Variants in PCDHGB1 observed in about 807,000 individuals in gnomAD.
PCDHGB1 encodes the protein protocadherin gamma subfamily B, 1, also known as protocadherin gamma-B1.
Under a neutral mutation model 56.6 loss-of-function variants are expected in PCDHGB1, and 34 were observed. That is an observed-to-expected ratio of 0.60 (90% confidence interval 0.46 to 0.80). The LOEUF is 0.80. Among genes scored for constraint, PCDHGB1 ranks in the 30% least tolerant of loss-of-function variants. The pLI is 0.00. For synonymous variants in PCDHGB1, 561 were observed against 505.9 expected, an observed-to-expected ratio of 1.11 and a Z score of -1.46; for missense variants, 1,278 against 1,204.6, an observed-to-expected ratio of 1.06 and a Z score of -0.90.
At chr5:141,469,306 A>G in intron 1 of PCDHGB1, among the ~76,000 whole-genome samples, 1 of 150,500 alleles carries the variant, frequency 6.6e-6, no homozygotes, top group South Asian at 2.1e-4. Flanking sequence ...ACTGGGCACG[A>G]TGGCTCACGC....
At chr5:141,414,670 A>G in intron 1 of PCDHGB1, 1 of 1,613,894 alleles carries the variant, frequency 6.2e-7, no homozygotes. Context: ...GGCTGAAGAC[A>G]CCATCCAGGG....
At chr5:141,376,675 C>CTTT in intron 1 of PCDHGB1, 7 of 345,068 alleles carry the variant, frequency 2.0e-5, no homozygotes, top group Admixed American at 4.8e-5. Context: ...GTGAGGGTAT[C>CTTT]GTTTTTTTTT....
intron 1 of PCDHGB1, among the ~76,000 whole-genome samples, chr5:141,494,496 T>A (rs147870810): frequency 2.9e-3 from 442 of 152,264 alleles, no homozygotes; most frequent in Non-Finnish European, 4.9e-3. Flanking sequence ...ATGCCTTCAG[T>A]CCTTGAATTT....
chr5:141,361,134 CCAAG>C lies in PCDHGB1; in HGVS notation c.2409+8466_2409+8469del, dbSNP rs750013813. 191 of 1,613,798 alleles carry C rather than the reference CCAAG, an allele frequency of 1.2e-4. 1 individual carries two copies. The Admixed American group carries it at 3.2e-3, about 27-fold the overall frequency. On this transcript the variant is annotated intron_variant, in intron 1 of 3. Transcript: ENST00000523390. ...GAGATCTAGCAGCCCACTGCAGTAT[CCAAG>C]TTGAAATTCTTGATGACAACGATTG...
intron 1 of PCDHGB1, chr5:141,418,251 C>G: frequency 6.2e-7 from 1 of 1,614,058 alleles, no homozygotes; most frequent in Non-Finnish European, 8.5e-7. Context: ...GACCACGCCC[C>G]TCAATTCCGG....
rs1186240180 is a variant in PCDHGB1, at chr5:141,432,270, A to T, written c.2410-62537A>T. On this transcript the variant is annotated intron_variant, in intron 1 of 3. Transcript: ENST00000523390. The surrounding 1 kb of genome is among the most constrained non-coding windows in gnomAD (Gnocchi z 6.0). ...ATCCAAGGGGCAAGCCTATCGTCCT[A>T]CGTGTCCATCAACTCCGACACTGGG... 1 of 1,614,024 alleles carries T rather than the reference A, an allele frequency of 6.2e-7. No homozygotes were observed. The highest frequency in any genetic ancestry group is 8.5e-7 in the Non-Finnish European group (1 of 1,180,028).
intron 1 of PCDHGB1, chr5:141,423,087 G>C (rs756067751): frequency 1.2e-6 from 2 of 1,613,936 alleles, no homozygotes; most frequent in African/African-American, 1.3e-5. Context: ...TCTTCGCGGT[G>C]GGGGAGCACA....
chr5:141,421,092 C>T, intron 1 of PCDHGB1: 1 of 663,988 alleles, frequency 1.5e-6, no homozygotes, highest in Non-Finnish European at 2.5e-6. Flanking sequence ...CAGATCCTGA[C>T]ACTGGAGACT....
At position 141,351,708 on chromosome 5, in the gene PCDHGB1, T is replaced by G; in HGVS notation, c.1448T>G (p.Val483Gly). Residue 483 changes from valine to glycine, a missense_variant, in exon 1 of 4, where the codon GTC (valine) becomes GGC (glycine). By Grantham distance (109) the Val-to-Gly change is moderately radical. Transcript: ENST00000523390. ...CCGGATTTGGGACCCAACGGCAGAGTCTCCTACTCTATTCTGGCCAGTGAC... is the reference window on the plus strand; with the variant it reads ...CCGGATTTGGGACCCAACGGCAGAGGCTCCTACTCTATTCTGGCCAGTGAC... ...SDPDLGPNGR[V>G]SYSILASDLE... The G allele has an allele frequency of 6.2e-7, 1 of 1,613,718 alleles. No homozygotes were observed. Among genetic ancestry groups the G allele is most frequent in the Non-Finnish European group, 8.5e-7 (1 of 1,179,850 alleles).
intron 1 of PCDHGB1, chr5:141,388,368 A>G (rs1420676769): frequency 1.2e-6 from 2 of 1,614,026 alleles, no homozygotes; most frequent in Admixed American, 3.3e-5. Context: ...TGATGCGGAT[A>G]TTGGTAGCAA....
At chr5:141,501,866 C>T (rs1193396289) in intron 2 of PCDHGB1, among the ~76,000 whole-genome samples, 4 of 152,108 alleles carry the variant, frequency 2.6e-5, no homozygotes, top group South Asian at 2.1e-4. Context: ...TTTCCCAGGA[C>T]GCCTCCTTAC....
At chr5:141,509,823 TTCTC>T (rs2099878456) in intron 3 of PCDHGB1, among the ~76,000 whole-genome samples, 1 of 152,170 alleles carries the variant, frequency 6.6e-6, no homozygotes, top group Non-Finnish European at 1.5e-5. Flanking sequence ...CTTCTCCATC[TTCTC>T]TCTACCTCCC....
At chr5:141,400,303 G>T (rs2094000375) in intron 1 of PCDHGB1, 1 of 1,613,908 alleles carries the variant, frequency 6.2e-7, no homozygotes, top group Non-Finnish European at 8.5e-7. Context: ...CTTCCAACCT[G>T]GTCTCTGTGT....
At chr5:141,450,055 G>A (rs1325291695) in intron 1 of PCDHGB1, among the ~76,000 whole-genome samples, 2 of 137,594 alleles carry the variant, frequency 1.5e-5, no homozygotes, top group Non-Finnish European at 3.0e-5. Flanking sequence ...CGCCCAGGCT[G>A]GAATGCAGTG....
rs779287151 is a variant in PCDHGB1, at chr5:141,384,468, G to A, written c.2409+31799G>A. 8.7e-6 allele frequency: 14 copies of A among 1,613,988 alleles called. No homozygotes were observed. The Admixed American group carries it at 2.0e-4, about 23-fold the overall frequency. On this transcript the variant is annotated intron_variant, in intron 1 of 3. Coordinates refer to ENST00000523390, the MANE Select transcript of PCDHGB1 (RefSeq NM_018922.3). ...ACGCGCTGCAATCCTTTGATTATGA[G>A]CAGTTGAGAGAACTACAACTAAGAG...
At position 141,432,001 on chromosome 5, in the gene PCDHGB1, G is replaced by T. The variant is rs755338230; in HGVS notation, c.2410-62806G>T. On this transcript the variant is annotated intron_variant, in intron 1 of 3. Coordinates refer to ENST00000523390, the MANE Select transcript of PCDHGB1 (RefSeq NM_018922.3). This position sits in a 1 kb window ranked among gnomAD's most constrained non-coding sequence, Gnocchi z 6.0. Reference sequence around the variant, plus strand: ...CAGACATAGTCTTGGATAGGGAACAGGTTCCTAGCTACAACATCACAGTGA... The same window carrying T: ...CAGACATAGTCTTGGATAGGGAACATGTTCCTAGCTACAACATCACAGTGA... 4 of 1,614,220 alleles carry T rather than the reference G, an allele frequency of 2.5e-6. No homozygotes were observed. In the East Asian group the frequency reaches 8.9e-5, roughly 36 times the overall value.
chr5:141,379,340 TC>T (rs1433489240), intron 1 of PCDHGB1: 1 of 152,232 alleles, frequency 6.6e-6, no homozygotes, highest in Non-Finnish European at 1.5e-5. Flanking sequence ...TCTTCAAAGC[TC>T]ATTTTCTTGT....
chr5:141,477,184 C>T lies in PCDHGB1; in HGVS notation c.2410-17623C>T. On this transcript the variant is annotated intron_variant, in intron 1 of 3. Coordinates refer to ENST00000523390, the MANE Select transcript of PCDHGB1 (RefSeq NM_018922.3). The surrounding 1 kb of genome is among the most constrained non-coding windows in gnomAD (Gnocchi z 4.9). ...ACGCCCCGGAGATCACAGTCACCTC[C>T]GTGTACAGCCCAGTACCCGAGGATG... The T allele has an allele frequency of 3.7e-6, 6 of 1,614,178 alleles. No individual in the cohort carries two copies. Among genetic ancestry groups the T allele is most frequent in the Non-Finnish European group, 5.1e-6 (6 of 1,180,032 alleles).
chr5:141,366,288 C>A (rs1020562585), intron 1 of PCDHGB1: 2 of 1,613,748 alleles, frequency 1.2e-6, no homozygotes, highest in Non-Finnish European at 1.7e-6. Context: ...GGCCAGCCCC[C>A]TCTGTCAGCC....
Sources: gnomAD v4.1 joint callset for allele counts (sites outside exome capture counted in the v4.1 genomes callset) on GRCh38, gnomAD v4.1.1 for gene constraint, Gnocchi (gnomAD v3.1) non-coding constraint, MANE v1.5 for transcripts, NCBI Gene and HGNC (gene_info 2026-07-23, HGNC 2026-07-21) for gene names.